LRRC31: variants seen among roughly 807,000 people sequenced by gnomAD.
LRRC31 encodes the protein leucine-rich repeat-containing protein 31.
In LRRC31, 35 loss-of-function variants were observed where a neutral mutation model predicts 46.7. The observed-to-expected ratio is 0.75, with a 90% CI of 0.57 to 0.99. The LOEUF is 0.99. Ranked by LOEUF, LRRC31 falls within the 50% of genes least tolerant of loss-of-function variation. The pLI, the probability that LRRC31 is intolerant of heterozygous loss-of-function variation, is 0.00. For missense variants in LRRC31, 613 were observed against 626.1 expected (o/e 0.98, Z 0.22); for synonymous variants, 236 against 235.1 (o/e 1.00, Z -0.03).
chr3:169,857,341 TATATACAC>T lies in LRRC31; in HGVS notation c.488-477_488-470del, dbSNP rs1433991964. Among the ~76,000 whole-genome samples the T allele has an allele frequency of 2.2e-4, 24 of 110,112 alleles. No homozygotes were observed. In the East Asian group the frequency reaches 8.3e-3, roughly 38 times the overall value. The allele number at this position is 110,112 out of a possible 152,430, so 72.2% of individuals were successfully genotyped here. A position where few individuals can be genotyped will look rare whatever the true frequency, so the allele number is the denominator to read the frequency against. On this transcript the variant is annotated intron_variant, in intron 3 of 8. Coordinates refer to ENST00000316428, the MANE Select transcript of LRRC31 (RefSeq NM_024727.4). ...GCCTATATATATATATATATATATATATATACACACACACACACACACACACACAAGTA... is the reference window on the plus strand; with the variant it reads ...GCCTATATATATATATATATATATATACACACACACACACACACACAAGTA...
chr3:169,849,332 A>G (rs900072206), intron 7 of LRRC31, among the ~76,000 whole-genome samples: 4 of 152,226 alleles, frequency 2.6e-5, no homozygotes, highest in African/African-American at 9.7e-5. Flanking sequence ...ACTTAATTCA[A>G]ATTGAATGGT....
intron 1 of LRRC31, among the ~76,000 whole-genome samples, chr3:169,868,469 T>A (rs143918447): frequency 2.0e-5 from 3 of 152,344 alleles, no homozygotes; most frequent in African/African-American, 7.2e-5. Context: ...TTTTTCTTCA[T>A]ATCACTTATC....
rs528612517 is a variant in LRRC31 at position 169,868,653 on chromosome 3, G to A, written c.175+980C>T. On this transcript the variant is annotated intron_variant, in intron 1 of 8. Transcript: ENST00000316428. ...TGAAAAGAATCTTAAAGAAATGATC[G>A]TTTGTGTTATAATGAAAGGAAATTC... Among the ~76,000 whole-genome samples, 16 of 152,170 alleles carry A rather than the reference G, an allele frequency of 1.1e-4. No homozygotes were observed. In the East Asian group the frequency reaches 1.3e-3, roughly 13 times the overall value.
At chr3:169,855,941 AC>A (rs1466144733) in intron 5 of LRRC31, among the ~76,000 whole-genome samples, 1 of 151,954 alleles carries the variant, frequency 6.6e-6, no homozygotes, top group East Asian at 1.9e-4. Flanking sequence ...CTCTTCTGTC[AC>A]CCACATCGGC....
Position 169,839,919 on chromosome 3 carries a change from A to G in LRRC31, c.*63T>C. 7.5e-7 allele frequency: 1 copy of G among 1,342,048 alleles called. No individual in the cohort carries two copies. The highest frequency in any genetic ancestry group is 1.0e-6 in the Non-Finnish European group (1 of 973,102). The allele number at this position is 1,342,048 out of a possible 1,614,324, so 83.1% of individuals were successfully genotyped here. ...TTGAAATTCAGTTCATGACTCTGGA[A>G]TTCGTTCATGTTCTTTTCCTTTGGA... is the stretch of plus-strand genomic sequence containing the variant. On this transcript the variant is annotated 3_prime_UTR_variant, in exon 9 of 9. Coordinates refer to ENST00000316428, the MANE Select transcript of LRRC31 (RefSeq NM_024727.4).
chr3:169,855,042 G>A, intron 5 of LRRC31, 62 bp from the exon 6 acceptor site: 1 of 1,427,816 alleles, frequency 7.0e-7, no homozygotes, highest in Non-Finnish European at 9.6e-7. Context: ...TATAGTCCCA[G>A]CTGCTAGGGA....
chr3:169,847,866 G>A (rs1215082933), intron 8 of LRRC31, among the ~76,000 whole-genome samples: 1 of 152,242 alleles, frequency 6.6e-6, no homozygotes, highest in East Asian at 1.9e-4. Flanking sequence ...GAACAGAGCT[G>A]TTTGCCTTTC....
Position 169,856,886 on chromosome 3 carries a change from G to C in LRRC31, c.488-14C>G. ...CAAATGCTTCTCCTGTTAACAAATGGCCCGAAAATTCTGTTGGTCACTAGT... is the reference window on the plus strand; with the variant it reads ...CAAATGCTTCTCCTGTTAACAAATGCCCCGAAAATTCTGTTGGTCACTAGT... On this transcript the variant is annotated splice_polypyrimidine_tract_variant and intron_variant, in intron 3 of 8. Transcript: ENST00000316428. The C allele has an allele frequency of 6.3e-7, 1 of 1,591,158 alleles. No individual in the cohort carries two copies.
In LRRC31 at chr3:169,869,898, A is replaced by G; in HGVS notation, c.-91T>C. Reference sequence around the variant, plus strand: ...CTAAGAAGAAAAGAAGATTCTGTCAAGCCTGTGTTCAATCAAAATATCCTC... The same window carrying G: ...CTAAGAAGAAAAGAAGATTCTGTCAGGCCTGTGTTCAATCAAAATATCCTC... On this transcript the variant is annotated 5_prime_UTR_variant, in exon 1 of 9. Coordinates refer to ENST00000316428, the MANE Select transcript of LRRC31 (RefSeq NM_024727.4). 8.0e-7 allele frequency: 1 copy of G among 1,243,336 alleles called. No individual in the cohort carries two copies. The highest frequency in any genetic ancestry group is 1.1e-6 in the Non-Finnish European group (1 of 913,686). 77.0% of individuals were successfully genotyped at this position (1,243,336 alleles called of 1,614,324 possible). A position where few individuals can be genotyped will look rare whatever the true frequency, so the allele number is the denominator to read the frequency against.
At chr3:169,854,447 C>G (rs1780881648) in intron 6 of LRRC31, among the ~76,000 whole-genome samples, 1 of 152,200 alleles carries the variant, frequency 6.6e-6, no homozygotes, top group Non-Finnish European at 1.5e-5. Context: ...CTTCACTTCA[C>G]TTGTTATTCA....
intron 4 of LRRC31, 74 bp downstream of exon 4, chr3:169,856,631 C>T: frequency 6.8e-7 from 1 of 1,461,086 alleles, no homozygotes. Flanking sequence ...CAGAATAAGA[C>T]AAAACACAGC....
At position 169,859,289 on chromosome 3, in the gene LRRC31, C is replaced by G. The variant is rs1278962308; in HGVS notation, c.487+1272G>C. Among the ~76,000 whole-genome samples, 3 of 136,978 alleles carry G rather than the reference C, an allele frequency of 2.2e-5. 1 individual carries two copies. Among genetic ancestry groups the G allele is most frequent in the Non-Finnish European group, 3.0e-5 (2 of 66,006 alleles). The allele number at this position is 136,978 out of a possible 152,430, so 89.9% of individuals were successfully genotyped here. On this transcript the variant is annotated intron_variant, in intron 3 of 8. Coordinates refer to ENST00000316428, the MANE Select transcript of LRRC31 (RefSeq NM_024727.4). ...CAGCCTGGGTGACAAGAATGAAACACCGTCTCAAAAAAAAAAAGGCCGGGG... is the reference window on the plus strand; with the variant it reads ...CAGCCTGGGTGACAAGAATGAAACAGCGTCTCAAAAAAAAAAAGGCCGGGG...
intron 3 of LRRC31, among the ~76,000 whole-genome samples, chr3:169,857,403 C>CATATATATATATAT (rs1780997450): frequency 1.2e-5 from 1 of 81,074 alleles, no homozygotes; most frequent in Non-Finnish European, 2.6e-5. Context: ...CATACACACA[C>CATATATATATATAT]ATATACATAT....
At position 169,840,120 on chromosome 3, in the gene LRRC31, A is replaced by G; in HGVS notation, c.1521T>C (p.Tyr507=). 1 of 1,614,154 alleles carries G rather than the reference A, an allele frequency of 6.2e-7. No homozygotes were observed. The highest frequency in any genetic ancestry group is 2.2e-5 in the East Asian group (1 of 44,884). The change falls in exon 9 of 9, where the codon TAT becomes TAC. Residue 507 remains tyrosine (Y), a synonymous_variant. Transcript: ENST00000316428. ...DCGQWFRHLL[Y]AVTKLPQITE... Reference sequence around the variant, plus strand: ...TGATCTGAGGAAGCTTGGTCACAGCATATAACAAGTGTCTAAACCATTGTC... The same window carrying G: ...TGATCTGAGGAAGCTTGGTCACAGCGTATAACAAGTGTCTAAACCATTGTC...
rs150633119 is a variant in LRRC31 at position 169,842,235 on chromosome 3, T to C, written c.1328-1922A>G. On this transcript the variant is annotated intron_variant, in intron 8 of 8. Transcript: ENST00000316428. Reference sequence around the variant, plus strand: ...GTATGAAAAAATAAATGCCATTAATTATTTTTAAAATGTATATAAGCTAGT... The same window carrying C: ...GTATGAAAAAATAAATGCCATTAATCATTTTTAAAATGTATATAAGCTAGT... 4.1e-4 allele frequency among the ~76,000 whole-genome samples: 62 copies of C among 152,326 alleles called. No homozygotes were observed. In the East Asian group the frequency reaches 0.012, roughly 29 times the overall value.
At chr3:169,845,835 A>G (rs1780588389) in intron 8 of LRRC31, among the ~76,000 whole-genome samples, 1 of 152,186 alleles carries the variant, frequency 6.6e-6, no homozygotes, top group Non-Finnish European at 1.5e-5. Flanking sequence ...CTATTCATCA[A>G]ATTAACAAAT....
At chr3:169,850,504 C>CCCCGGAGT (rs1780725998) in intron 7 of LRRC31, among the ~76,000 whole-genome samples, 1 of 152,194 alleles carries the variant, frequency 6.6e-6, no homozygotes, top group African/African-American at 2.4e-5. Context: ...TGCCTGTGAG[C>CCCCGGAGT]TCCCTAAAAC....
rs1461528019 is a variant in LRRC31, at chr3:169,869,803, C to A, written c.5G>T (p.Ser2Ile). The stretch of plus-strand genomic sequence containing the variant: ...TGAGGAAGTTTTCTTCCTTGTTTGA[C>A]TCATGGTGAAGTTGATGGGGGTAGT... The part of the protein sequence containing the change: M[S>I]QTRKKTSSEG... The change falls in exon 1 of 9, where the codon AGT (serine) becomes ATT (isoleucine). Residue 2 changes from serine to isoleucine, a missense_variant. Ser to Ile is a moderately radical substitution (Grantham distance 142, BLOSUM62 -2). Coordinates refer to ENST00000316428, the MANE Select transcript of LRRC31 (RefSeq NM_024727.4). The A allele has an allele frequency of 4.3e-6, 7 of 1,611,200 alleles. No individual in the cohort carries two copies. Among genetic ancestry groups the A allele is most frequent in the Non-Finnish European group, 5.1e-6 (6 of 1,179,142 alleles).
chr3:169,868,806 T>C (rs146864030), intron 1 of LRRC31, among the ~76,000 whole-genome samples: 1 of 152,294 alleles, frequency 6.6e-6, no homozygotes, highest in African/African-American at 2.4e-5. Flanking sequence ...GTTGAGTCTT[T>C]AGTCTCAAAA....
Sources: gnomAD v4.1 joint callset for allele counts (sites outside exome capture counted in the v4.1 genomes callset) on GRCh38, gnomAD v4.1.1 for gene constraint, MANE v1.5 for transcripts, NCBI Gene and HGNC (gene_info 2026-07-23, HGNC 2026-07-21) for gene names.